POM121: variants seen among roughly 807,000 people sequenced by gnomAD.
POM121 encodes the protein nuclear envelope pore membrane protein POM 121.
POM121 carries 32 observed loss-of-function variants against 81.3 expected under a neutral mutation model. That is an observed-to-expected ratio of 0.39 (90% CI 0.30 to 0.53). The LOEUF (loss-of-function observed/expected upper bound fraction) is 0.53, where lower values mean the gene tolerates loss of function less well. POM121 is among the 20% of genes least tolerant of loss of function. The pLI, the probability that POM121 is intolerant of heterozygous loss-of-function variation, is 0.66. For missense variants in POM121, 1,138 were observed against 1,614.6 expected, an observed-to-expected ratio of 0.70 and a Z score of 5.06; for synonymous variants, 514 against 694.2, an observed-to-expected ratio of 0.74 and a Z score of 4.08.
chr7:72,914,288 C>T (rs1794082567), intron 4 of POM121, among the ~76,000 whole-genome samples: 1 of 152,190 alleles, frequency 6.6e-6, no homozygotes, highest in Non-Finnish European at 1.5e-5. Context: ...CAGCCCCCTC[C>T]CACTGATCAC....
At chr7:72,899,648 G>T (rs1792381501) in intron 3 of POM121, among the ~76,000 whole-genome samples, 2 of 147,568 alleles carry the variant, frequency 1.4e-5, no homozygotes, top group South Asian at 2.1e-4. Context: ...GCGCACTCTC[G>T]GCTCACTGCA....
intron 4 of POM121, among the ~76,000 whole-genome samples, chr7:72,915,839 A>C (rs1586125259): frequency 6.6e-6 from 1 of 151,856 alleles, no homozygotes; most frequent in South Asian, 2.1e-4. Flanking sequence ...TGCCAGGCTA[A>C]TTTTTGTGTT....
rs782722091 is a variant in POM121, at chr7:72,938,555, T to C, written c.1276-35T>C. On this transcript the variant is annotated intron_variant, in intron 5 of 12. Transcript: ENST00000434423. ...GTGTTGAGGGTCAGATGCTAAGTTA[T>C]CAGCAGGCTCAGTCATGTCCCTCTT... 5.6e-6 allele frequency: 9 copies of C among 1,599,078 alleles called. No homozygotes were observed. The Admixed American group carries it at 8.3e-5, about 15-fold the overall frequency.
chr7:72,945,047 C>T (rs1195132059), intron 11 of POM121, among the ~76,000 whole-genome samples: 4 of 151,884 alleles, frequency 2.6e-5, no homozygotes, highest in Admixed American at 6.6e-5. Flanking sequence ...CAGGGAGCTT[C>T]CTCTTGTCCG....
chr7:72,879,828 A>G, exon 1 of POM121: 1 of 506,358 alleles, frequency 2.0e-6, no homozygotes, highest in South Asian at 1.4e-5. Context: ...CGCCAGCGAC[A>G]GCAGCCCGCC....
At chr7:72,931,407 T>G (rs1423296836) in intron 5 of POM121, among the ~76,000 whole-genome samples, 7 of 152,174 alleles carry the variant, frequency 4.6e-5, no homozygotes, top group African/African-American at 9.6e-5. Context: ...TTAGGAGAGA[T>G]AAGATAGACA....
intron 5 of POM121, among the ~76,000 whole-genome samples, chr7:72,937,684 C>T (rs553206195): frequency 6.6e-6 from 1 of 152,260 alleles, no homozygotes; most frequent in East Asian, 1.9e-4. Context: ...GAAAGACGGT[C>T]TGAGGTGACA....
Position 72,920,049 on chromosome 7 carries a change from T to A in POM121, c.-151-6213T>A, listed in dbSNP as rs779550564. 1.0e-3 allele frequency among the ~76,000 whole-genome samples: 156 copies of A among 152,360 alleles called. 1 individual carries two copies. Among genetic ancestry groups the A allele is most frequent in the Admixed American group, 1.5e-3 (23 of 15,304 alleles). Reference sequence around the variant, plus strand: ...TCTTTGTATTTCTTGTACTTGATGTTGAGCTTTGGGTCTGTGGGTTTATAT... The same window carrying A: ...TCTTTGTATTTCTTGTACTTGATGTAGAGCTTTGGGTCTGTGGGTTTATAT... On this transcript the variant is annotated intron_variant, in intron 4 of 15. Transcript: ENST00000395270.
At chr7:72,913,343 A>G (rs538377885) in intron 3 of POM121, among the ~76,000 whole-genome samples, 1 of 152,356 alleles carries the variant, frequency 6.6e-6, no homozygotes, top group African/African-American at 2.4e-5. Flanking sequence ...CGGCATCAGC[A>G]GAGAAAGTCA....
intron 5 of POM121, among the ~76,000 whole-genome samples, chr7:72,934,152 T>C (rs1363607823): frequency 6.6e-6 from 1 of 152,004 alleles, no homozygotes; most frequent in Non-Finnish European, 1.5e-5. Flanking sequence ...TGCTGTGACC[T>C]TGGCTCACTG....
intron 3 of POM121, 59 bp from the exon 4 acceptor site, chr7:72,928,326 A>G: frequency 6.3e-7 from 1 of 1,595,116 alleles, no homozygotes; most frequent in Non-Finnish European, 8.6e-7. Flanking sequence ...ATGAGAATAC[A>G]CTTTAAAGGG....
upstream of POM121, among the ~76,000 whole-genome samples, chr7:72,923,836 G>C (rs1307963875): frequency 6.6e-5 from 10 of 151,814 alleles, no homozygotes; most frequent in African/African-American, 2.4e-4. Flanking sequence ...CCTGACCTCA[G>C]ATGATCCGCC....
chr7:72,949,291 C>T (rs529204079), downstream of POM121: 1 of 835,620 alleles, frequency 1.2e-6, no homozygotes, highest in East Asian at 2.4e-5. Flanking sequence ...AGTCCCTCAG[C>T]CACGCCTTCT....
At chr7:72,950,272 G>T, downstream of POM121, 1 of 1,311,840 alleles carries the variant, frequency 7.6e-7, no homozygotes, top group Admixed American at 2.4e-5. Context: ...GTCCATTCAT[G>T]CAACAAATGT....
chr7:72,881,121 A>G (rs1554489233), intron 1 of POM121, among the ~76,000 whole-genome samples: 1 of 146,492 alleles, frequency 6.8e-6, no homozygotes, highest in East Asian at 2.0e-4. Flanking sequence ...CTGGAATGCA[A>G]CAGCGTGGTC....
Position 72,928,559 on chromosome 7 carries a change from A to C in POM121, c.1103+94A>C, listed in dbSNP as rs1458962064. On this transcript the variant is annotated intron_variant, in intron 4 of 12. Coordinates refer to ENST00000434423, the MANE Select transcript of POM121 (RefSeq NM_001387691.1). ...ATAGATTTTCCTCTTTGTTTTTTGCATTGCTTAATTGGTTCAGGTTCACGT... is the reference window on the plus strand; with the variant it reads ...ATAGATTTTCCTCTTTGTTTTTTGCCTTGCTTAATTGGTTCAGGTTCACGT... 14 of 1,434,902 alleles carry C rather than the reference A, an allele frequency of 9.8e-6. No individual in the cohort carries two copies. The Admixed American group carries it at 1.3e-4, about 13-fold the overall frequency. 88.9% of individuals were successfully genotyped at this position (1,434,902 alleles called of 1,614,324 possible).
Position 72,930,987 on chromosome 7 carries a change from T to C in POM121, c.1275+876T>C, listed in dbSNP as rs192208579. On this transcript the variant is annotated intron_variant, in intron 5 of 12. Coordinates refer to ENST00000434423, the MANE Select transcript of POM121 (RefSeq NM_001387691.1). ...ATTACAGTGGCTGTCAGTAAGTGGGTACCCAGTATACAGCAGCCAGACAAA... is the reference window on the plus strand; with the variant it reads ...ATTACAGTGGCTGTCAGTAAGTGGGCACCCAGTATACAGCAGCCAGACAAA... Among the ~76,000 whole-genome samples the C allele has an allele frequency of 8.9e-3, 1,358 of 152,178 alleles. 8 individuals are homozygous for C. Among genetic ancestry groups the C allele is most frequent in the Non-Finnish European group, 0.014 (959 of 68,014 alleles).
intron 3 of POM121, among the ~76,000 whole-genome samples, chr7:72,891,895 T>C (rs1396391835): frequency 6.6e-6 from 1 of 152,246 alleles, no homozygotes; most frequent in Non-Finnish European, 1.5e-5. Context: ...GTCCTCCACC[T>C]GTGCTTGTGA....
chr7:72,881,177 G>A (rs1790121313), intron 1 of POM121, among the ~76,000 whole-genome samples: 1 of 150,962 alleles, frequency 6.6e-6, no homozygotes, highest in Non-Finnish European at 1.5e-5. Context: ...GGATTCTTGT[G>A]CCTCAGCCTC....
Sources: allele counts gnomAD v4.1 joint callset (sites outside exome capture counted in the v4.1 genomes callset), GRCh38; gene constraint gnomAD v4.1.1; transcripts MANE v1.5; gene names NCBI Gene and HGNC (gene_info 2026-07-23, HGNC 2026-07-21).